ZNF736: variants seen among roughly 807,000 people sequenced by gnomAD.
The protein encoded by ZNF736 is KRAB-containing zinc-finger repressor protein.
A neutral mutation model predicts 11.7 loss-of-function variants in ZNF736; 6 were observed. That is an observed-to-expected ratio of 0.51 (90% confidence interval 0.28 to 1.01). The LOEUF is 1.01. Among genes scored for constraint, ZNF736 ranks in the 50% least tolerant of loss-of-function variants. ZNF736 has a pLI of 0.09. For missense variants in ZNF736, 444 were observed against 496.0 expected (o/e 0.90, Z 1.00); for synonymous variants, 139 against 164.7 (o/e 0.84, Z 1.19).
chr7:64,319,301 G>T (rs1788960783), intron 1 of ZNF736, among the ~76,000 whole-genome samples: 1 of 139,824 alleles, frequency 7.2e-6, no homozygotes, highest in Non-Finnish European at 1.5e-5. Flanking sequence ...ATGTATGTGT[G>T]TGTGTGTATA....
rs75208054 is a variant in ZNF736 at position 64,356,435 on chromosome 7, A to C, written c.*7288A>C. Among the ~76,000 whole-genome samples the C allele has an allele frequency of 2.0e-3, 300 of 152,288 alleles. 3 individuals are homozygous for C. The East Asian group carries it at 0.034, about 17-fold the overall frequency. ...AATATTTGAGAATTAATATTACCCA[A>C]CTTGTCCAATAAAATGTTTTTAAGT... On this transcript the variant is annotated 3_prime_UTR_variant, in exon 4 of 4. Coordinates refer to ENST00000423484, the MANE Select transcript of ZNF736 (RefSeq NM_001170905.3).
Position 64,352,922 on chromosome 7 carries a change from G to C in ZNF736, c.*3775G>C, listed in dbSNP as rs1271055413. On this transcript the variant is annotated 3_prime_UTR_variant, in exon 4 of 4. Coordinates refer to ENST00000423484, the MANE Select transcript of ZNF736 (RefSeq NM_001170905.3). The stretch of plus-strand genomic sequence containing the variant: ...TCTTACCACGTGAGGCATTGTTGAA[G>C]TGGGTCCTACAGACCATCACTATCA... The C allele has an allele frequency of 6.6e-6, 1 of 152,310 alleles. No homozygotes were observed. Among genetic ancestry groups the C allele is most frequent in the Non-Finnish European group, 1.5e-5 (1 of 68,118 alleles). 9.4% of individuals were successfully genotyped at this position (152,310 alleles called of 1,614,324 possible). A position where few individuals can be genotyped will look rare whatever the true frequency, so the allele number is the denominator to read the frequency against.
Position 64,349,134 on chromosome 7 carries a change from TC to T in ZNF736, c.1273del (p.His425ThrfsTer20). 6.5e-7 allele frequency: 1 copy of T among 1,535,464 alleles called. No homozygotes were observed. Among genetic ancestry groups the T allele is most frequent in the Non-Finnish European group, 8.7e-7 (1 of 1,143,620 alleles). On this transcript the variant is annotated frameshift_variant, in exon 4 of 4. Transcript: ENST00000423484. LOFTEE classifies it high-confidence loss of function. ...AAGAGAATTCATACTAGAGAGAAGC[TC>T]CACAAGTGTTAAAAATGTGGAAAAG... ...RHKRIHTREK[L>X]HKC
chr7:64,330,018 C>T (rs1789139265), intron 1 of ZNF736, among the ~76,000 whole-genome samples: 3 of 152,152 alleles, frequency 2.0e-5, no homozygotes, highest in Admixed American at 1.3e-4. Flanking sequence ...AGAAACCACT[C>T]CCCATGGCCA....
chr7:64,344,131 C>T (rs185697663), intron 3 of ZNF736, among the ~76,000 whole-genome samples: 2 of 152,006 alleles, frequency 1.3e-5, no homozygotes, highest in Non-Finnish European at 2.9e-5. Flanking sequence ...GGCAAAACCC[C>T]GTCTCTAGTA....
intron 1 of ZNF736, among the ~76,000 whole-genome samples, chr7:64,326,845 A>G (rs768015559): frequency 6.6e-6 from 1 of 151,978 alleles, no homozygotes; most frequent in African/African-American, 2.4e-5. Flanking sequence ...CTGTGTTTGT[A>G]TAGTTTCGAA....
chr7:64,336,322 T>A lies in ZNF736; in HGVS notation c.67T>A (p.Ser23Thr). 1 of 1,613,860 alleles carries A rather than the reference T, an allele frequency of 6.2e-7. No homozygotes were observed. The highest frequency in any genetic ancestry group is 8.5e-7 in the Non-Finnish European group (1 of 1,179,880). ...FSPEEWECLDSAQQRLYRDVM... is the reference protein window; with the variant it reads ...FSPEEWECLDTAQQRLYRDVM... ...CCCAGAAGAGTGGGAATGCCTGGAC[T>A]CTGCTCAGCAGCGTTTGTATAGGGA... Residue 23 changes from serine (S) to threonine (T), a missense_variant, in exon 2 of 4, where the codon TCT becomes ACT. Coordinates refer to ENST00000423484, the MANE Select transcript of ZNF736 (RefSeq NM_001170905.3).
rs530900063 is a variant in ZNF736 at position 64,354,051 on chromosome 7, T to A, written c.*4904T>A. 1 of 152,324 alleles carries A rather than the reference T, an allele frequency of 6.6e-6. No homozygotes were observed. The highest frequency in any genetic ancestry group is 2.4e-5 in the African/African-American group (1 of 41,582). 9.4% of individuals were successfully genotyped at this position (152,324 alleles called of 1,614,324 possible). A position where few individuals can be genotyped will look rare whatever the true frequency, so the allele number is the denominator to read the frequency against. ...ACATCTCTAGTGATCCCTTTGTCAG[T>A]GGTCTTTAACTTAAAATAATTTAGA... On this transcript the variant is annotated 3_prime_UTR_variant, in exon 4 of 4. Coordinates refer to ENST00000423484, the MANE Select transcript of ZNF736 (RefSeq NM_001170905.3).
intron 3 of ZNF736, among the ~76,000 whole-genome samples, chr7:64,340,565 A>G (rs1408366576): frequency 6.6e-6 from 1 of 152,154 alleles, no homozygotes; most frequent in Non-Finnish European, 1.5e-5. Flanking sequence ...CTTGAAAAAC[A>G]AAATTATTAT....
chr7:64,333,460 A>G (rs1326006348), intron 1 of ZNF736, among the ~76,000 whole-genome samples: 1 of 152,224 alleles, frequency 6.6e-6, no homozygotes, highest in Non-Finnish European at 1.5e-5. Context: ...AGATGGGATC[A>G]GGTCTTTGGT....
chr7:64,345,874 T>C (rs1789404159), intron 3 of ZNF736, among the ~76,000 whole-genome samples: 1 of 152,206 alleles, frequency 6.6e-6, no homozygotes, highest in Non-Finnish European at 1.5e-5. Context: ...AAAAAATTGT[T>C]AAGACTTGTT....
At chr7:64,328,493 G>A (rs1160850563) in intron 1 of ZNF736, among the ~76,000 whole-genome samples, 2 of 152,054 alleles carry the variant, frequency 1.3e-5, no homozygotes, top group African/African-American at 2.4e-5. Context: ...GGGCGCGGTG[G>A]CTCACGCCTG....
chr7:64,319,578 C>T (rs1465872901), intron 1 of ZNF736, among the ~76,000 whole-genome samples: 1 of 141,870 alleles, frequency 7.0e-6, no homozygotes, highest in Non-Finnish European at 1.5e-5. Flanking sequence ...TCACTGCAAC[C>T]TCTGCCTCCT....
intron 3 of ZNF736, among the ~76,000 whole-genome samples, chr7:64,346,185 T>TA (rs1789407511): frequency 6.6e-6 from 1 of 152,226 alleles, no homozygotes; most frequent in Non-Finnish European, 1.5e-5. Flanking sequence ...TTATTATAAT[T>TA]GAATGTCCTA....
At chr7:64,317,444 T>A (rs1472104316) in intron 1 of ZNF736, among the ~76,000 whole-genome samples, 1 of 152,186 alleles carries the variant, frequency 6.6e-6, no homozygotes, top group Non-Finnish European at 1.5e-5. Flanking sequence ...TAAAACAGAT[T>A]GGTGGCCATG....
At chr7:64,321,668 C>A (rs1789005587) in intron 1 of ZNF736, among the ~76,000 whole-genome samples, 1 of 152,220 alleles carries the variant, frequency 6.6e-6, no homozygotes, top group Admixed American at 6.5e-5. Flanking sequence ...GAGGACTCAC[C>A]CCTTACACTC....
Position 64,351,138 on chromosome 7 carries a change from A to G in ZNF736, c.*1991A>G, listed in dbSNP as rs1376840409. 2.0e-5 allele frequency: 3 copies of G among 152,386 alleles called. No individual in the cohort carries two copies. The highest frequency in any genetic ancestry group is 6.5e-5 in the Admixed American group (1 of 15,280). 9.4% of individuals were successfully genotyped at this position (152,386 alleles called of 1,614,324 possible). A position where few individuals can be genotyped will look rare whatever the true frequency, so the allele number is the denominator to read the frequency against. On this transcript the variant is annotated 3_prime_UTR_variant, in exon 4 of 4. Transcript: ENST00000423484. The stretch of plus-strand genomic sequence containing the variant: ...TTTTGATGCCTTCTCTGTGCCCCCC[A>G]AGAAAGAGTGATTGTTCAGAGTGTG...
intron 1 of ZNF736, among the ~76,000 whole-genome samples, chr7:64,333,884 C>T (rs889632344): frequency 6.6e-6 from 1 of 152,198 alleles, no homozygotes; most frequent in African/African-American, 2.4e-5. Flanking sequence ...CGCTACCTGA[C>T]TTGAAACTAT....
At chr7:64,331,264 G>A (rs1449398607) in intron 1 of ZNF736, among the ~76,000 whole-genome samples, 1 of 152,190 alleles carries the variant, frequency 6.6e-6, no homozygotes, top group South Asian at 2.1e-4. Flanking sequence ...CTCTGACTAG[G>A]GCTAGTCTGA....
Sources: gnomAD v4.1 joint callset for allele counts (sites outside exome capture counted in the v4.1 genomes callset) on GRCh38, gnomAD v4.1.1 for gene constraint, MANE v1.5 for transcripts, NCBI Gene and HGNC (gene_info 2026-07-23, HGNC 2026-07-21) for gene names.